Variants in TBC1D22A observed in about 807,000 individuals in gnomAD.
TBC1D22A encodes TBC1 domain family member 22A, also known as putative GTPase activator.
TBC1D22A carries 38 observed loss-of-function variants against 60.2 expected under a neutral mutation model. The observed-to-expected ratio is 0.63, with a 90% CI of 0.49 to 0.83. The LOEUF is 0.83. TBC1D22A is among the 40% of genes least tolerant of loss of function. The pLI, the probability that TBC1D22A is intolerant of heterozygous loss-of-function variation, is 0.00. For synonymous variants in TBC1D22A, 302 were observed against 281.7 expected (o/e 1.07, Z -0.72); for missense variants, 628 against 701.0 (o/e 0.90, Z 1.18).
chr22:46,961,899 G>A (rs955770094), intron 8 of TBC1D22A, among the ~76,000 whole-genome samples: 9 of 152,234 alleles, frequency 5.9e-5, no homozygotes, highest in African/African-American at 1.9e-4. Flanking sequence ...GAGTGTGAGT[G>A]TGTCTGAGTG....
At chr22:46,973,842 G>A (rs2074179076) in intron 8 of TBC1D22A, among the ~76,000 whole-genome samples, 1 of 152,210 alleles carries the variant, frequency 6.6e-6, no homozygotes, top group African/African-American at 2.4e-5. Context: ...TAGCATGGAA[G>A]TATTTACCCA....
At chr22:47,095,644 A>G (rs1327000653) in intron 11 of TBC1D22A, among the ~76,000 whole-genome samples, 4 of 152,234 alleles carry the variant, frequency 2.6e-5, no homozygotes, top group African/African-American at 9.6e-5. Context: ...TGGGAACTGA[A>G]GGAGAGGAGC....
chr22:46,941,482 C>T (rs867193503), intron 8 of TBC1D22A, among the ~76,000 whole-genome samples: 4 of 136,414 alleles, frequency 2.9e-5, no homozygotes, highest in South Asian at 2.3e-4. Context: ...AATATATATA[C>T]GGAATATATA....
chr22:47,165,148 C>T (rs1377718561), intron 12 of TBC1D22A, among the ~76,000 whole-genome samples: 2 of 152,118 alleles, frequency 1.3e-5, no homozygotes, highest in Non-Finnish European at 2.9e-5. Context: ...CAAGTGTGGC[C>T]GTCGTCCCCT....
intron 8 of TBC1D22A, among the ~76,000 whole-genome samples, chr22:46,932,385 G>T (rs1287882835): frequency 6.6e-6 from 1 of 152,208 alleles, no homozygotes; most frequent in Non-Finnish European, 1.5e-5. Context: ...TTCAGATGTG[G>T]TGTTGATTTT....
At chr22:46,823,343 T>C (rs1236740964) in intron 4 of TBC1D22A, among the ~76,000 whole-genome samples, 1 of 152,176 alleles carries the variant, frequency 6.6e-6, no homozygotes, top group Non-Finnish European at 1.5e-5. Context: ...ATTTGGAAAA[T>C]ATAGAACACT....
intron 12 of TBC1D22A, among the ~76,000 whole-genome samples, chr22:47,144,629 G>A (rs116807434): frequency 0.021 from 3,124 of 152,336 alleles, 87 homozygotes; most frequent in African/African-American, 0.071. Flanking sequence ...ACCTGGAGGC[G>A]CGTCGGTGTT....
intron 8 of TBC1D22A, among the ~76,000 whole-genome samples, chr22:46,965,995 C>G (rs1021253509): frequency 6.6e-6 from 1 of 152,178 alleles, no homozygotes; most frequent in African/African-American, 2.4e-5. Context: ...CCTCCCGCAG[C>G]CATGGCACTC....
chr22:47,050,711 G>T (rs769425483), intron 11 of TBC1D22A, among the ~76,000 whole-genome samples: 51 of 151,488 alleles, frequency 3.4e-4, no homozygotes, highest in Non-Finnish European at 5.9e-4. Flanking sequence ...CAGATTGCAG[G>T]CCATGGCGGG....
In TBC1D22A at chr22:46,797,401, G is replaced by C. The variant is rs771558297; in HGVS notation, c.461-43G>C. ...ACAGCAAGGAGGAACGTGTAGTCGG[G>C]AGGAGCGCCCTCACCCTCACCCCCA... On this transcript the variant is annotated intron_variant, in intron 3 of 12. Coordinates refer to ENST00000337137, the MANE Select transcript of TBC1D22A (RefSeq NM_014346.5). 5 of 1,606,406 alleles carry C rather than the reference G, an allele frequency of 3.1e-6. No individual in the cohort carries two copies. The South Asian group carries it at 3.3e-5, about 11-fold the overall frequency.
chr22:47,145,256 C>T (rs1034269117), intron 12 of TBC1D22A, among the ~76,000 whole-genome samples: 1 of 152,164 alleles, frequency 6.6e-6, no homozygotes, highest in African/African-American at 2.4e-5. Context: ...TGTGGAGAGG[C>T]TCGGCGTCAT....
intron 12 of TBC1D22A, among the ~76,000 whole-genome samples, chr22:47,160,863 C>A (rs754892): frequency 0.38 from 56,462 of 150,418 alleles, 12,989 homozygotes; most frequent in East Asian, 0.71. Flanking sequence ...CTACCCTCCT[C>A]TTCAGGACCC....
chr22:46,919,324 G>A (rs1007310893), intron 8 of TBC1D22A, among the ~76,000 whole-genome samples: 1 of 152,210 alleles, frequency 6.6e-6, no homozygotes, highest in Non-Finnish European at 1.5e-5. Flanking sequence ...TCCACGCAGC[G>A]TGAATCAGTA....
intron 7 of TBC1D22A, among the ~76,000 whole-genome samples, chr22:46,901,057 T>G (rs899912963): frequency 6.6e-6 from 1 of 152,230 alleles, no homozygotes; most frequent in Non-Finnish European, 1.5e-5. Flanking sequence ...TGTTTTTGCT[T>G]CTTTGATCTG....
At chr22:46,891,417 G>A (rs766052126) in intron 6 of TBC1D22A, 23 bp downstream of exon 6, 6 of 1,586,550 alleles carry the variant, frequency 3.8e-6, no homozygotes, top group East Asian at 4.6e-5. Context: ...TCTTTTTTTC[G>A]TATGTTGCCT....
intron 4 of TBC1D22A, among the ~76,000 whole-genome samples, chr22:46,866,121 T>G (rs533032591): frequency 2.6e-5 from 4 of 152,370 alleles, no homozygotes; most frequent in African/African-American, 9.6e-5. Flanking sequence ...TATCTATTTT[T>G]TGAGATGGAG....
intron 11 of TBC1D22A, among the ~76,000 whole-genome samples, chr22:47,093,299 T>C (rs2065049844): frequency 6.6e-6 from 1 of 152,208 alleles, no homozygotes; most frequent in African/African-American, 2.4e-5. Flanking sequence ...AAGCACCTGC[T>C]GGTGACCTTG....
At position 47,093,268 on chromosome 22, in the gene TBC1D22A, G is replaced by A. The variant is rs1186797239; in HGVS notation, c.1330-18240G>A. Among the ~76,000 whole-genome samples, 7 of 152,200 alleles carry A rather than the reference G, an allele frequency of 4.6e-5. No homozygotes were observed. In the South Asian group the frequency reaches 6.2e-4, roughly 13 times the overall value. ...CCAGCAGGCCCTGTGATCCTGCGCC[G>A]AGTCTCCTGTGGTCTCCTCTAAGCA... On this transcript the variant is annotated intron_variant, in intron 11 of 12. Coordinates refer to ENST00000337137, the MANE Select transcript of TBC1D22A (RefSeq NM_014346.5).
At chr22:47,105,984 GGAA>G (rs2065620555) in intron 11 of TBC1D22A, among the ~76,000 whole-genome samples, 1 of 152,150 alleles carries the variant, frequency 6.6e-6, no homozygotes, top group Non-Finnish European at 1.5e-5. Flanking sequence ...GGTATTGAAT[GGAA>G]GAAGGAGGAG....
Sources: gnomAD v4.1 joint callset for allele counts (sites outside exome capture counted in the v4.1 genomes callset) on GRCh38, gnomAD v4.1.1 for gene constraint, MANE v1.5 for transcripts, NCBI Gene and HGNC (gene_info 2026-07-23, HGNC 2026-07-21) for gene names.